The following GNA14 variants were observed in gnomAD, a reference collection of about 807,000 sequenced individuals.
GNA14 encodes the protein guanine nucleotide-binding protein subunit alpha-14.
GNA14 carries 50 observed loss-of-function variants against 42.0 expected under a neutral mutation model. The observed-to-expected ratio is 1.19, with a 90% CI of 0.95 to 1.51. The LOEUF is 1.51. GNA14 is among the 40% of genes most tolerant of loss of function. GNA14 has a pLI of 0.00. For synonymous variants in GNA14, 173 were observed against 163.1 expected, an observed-to-expected ratio of 1.06 and a Z score of -0.46; for missense variants, 473 against 446.2, an observed-to-expected ratio of 1.06 and a Z score of -0.54.
rs148544176 is a variant in GNA14, at chr9:77,529,185, C to A, written c.193G>T (p.Asp65Tyr). The part of the protein sequence containing the change: ...MRIIHGSGYS[D>Y]EDRKGFTKLV... ...TTCGTGAACCCCTTTCTGTCTTCGTCGCTGTAACCAGACCCATGGATAATT... is the reference window on the plus strand; with the variant it reads ...TTCGTGAACCCCTTTCTGTCTTCGTAGCTGTAACCAGACCCATGGATAATT... The change falls in exon 2 of 7, where the codon GAC becomes TAC. Residue 65 changes from aspartate (D) to tyrosine (Y), a missense_variant. Coordinates refer to ENST00000341700, the MANE Select transcript of GNA14 (RefSeq NM_004297.4). 18 of 1,613,800 alleles carry A rather than the reference C, an allele frequency of 1.1e-5. No individual in the cohort carries two copies. The highest frequency in any genetic ancestry group is 1.5e-5 in the Non-Finnish European group (18 of 1,179,812).
chr9:77,570,396 T>C (rs537397613), intron 1 of GNA14, among the ~76,000 whole-genome samples: 1 of 152,304 alleles, frequency 6.6e-6, no homozygotes, highest in African/African-American at 2.4e-5. Context: ...CAGTGACTCC[T>C]TGCCCCCACC....
At chr9:77,630,441 G>C (rs756671234) in intron 1 of GNA14, among the ~76,000 whole-genome samples, 3 of 152,062 alleles carry the variant, frequency 2.0e-5, no homozygotes, top group Non-Finnish European at 4.4e-5. Context: ...TTATTTAATC[G>C]ATCTACCAGA....
At chr9:77,545,263 AGAG>A (rs141521441) in intron 1 of GNA14, among the ~76,000 whole-genome samples, 4,195 of 152,298 alleles carry the variant, frequency 0.028, 179 homozygotes, top group African/African-American at 0.094. Context: ...TAGTTAAATA[AGAG>A]GAGCTACCAG....
chr9:77,498,547 G>A lies in GNA14; in HGVS notation c.309+30522C>T, dbSNP rs138695859. 2.8e-3 allele frequency among the ~76,000 whole-genome samples: 430 copies of A among 152,286 alleles called. 2 individuals carry two copies. The highest frequency in any genetic ancestry group is 9.3e-3 in the African/African-American group (387 of 41,570). On this transcript the variant is annotated intron_variant, in intron 2 of 6. Coordinates refer to ENST00000341700, the MANE Select transcript of GNA14 (RefSeq NM_004297.4). Reference sequence around the variant, plus strand: ...GATGGCTCCTAAGAGCCATCTCCTAGGGTTATAGTAGGGATTGTGTGATTT... The same window carrying A: ...GATGGCTCCTAAGAGCCATCTCCTAAGGTTATAGTAGGGATTGTGTGATTT...
chr9:77,609,717 T>C (rs1823700354), intron 1 of GNA14, among the ~76,000 whole-genome samples: 4 of 152,324 alleles, frequency 2.6e-5, no homozygotes, highest in South Asian at 4.1e-4. Context: ...TCACGCCTTA[T>C]TGCTGTATCC....
intron 2 of GNA14, among the ~76,000 whole-genome samples, chr9:77,455,987 G>C (rs1835992952): frequency 6.6e-6 from 1 of 152,210 alleles, no homozygotes; most frequent in South Asian, 2.1e-4. Context: ...CTTATAAGTA[G>C]CCTCTAATGT....
At chr9:77,623,458 A>G (rs2117981736) in intron 1 of GNA14, among the ~76,000 whole-genome samples, 1 of 152,270 alleles carries the variant, frequency 6.6e-6, no homozygotes, top group East Asian at 1.9e-4. Flanking sequence ...ACACATATTA[A>G]TAATACTCTC....
intron 2 of GNA14, among the ~76,000 whole-genome samples, chr9:77,510,571 A>G (rs1837147649): frequency 6.6e-6 from 1 of 152,190 alleles, no homozygotes; most frequent in Non-Finnish European, 1.5e-5. Flanking sequence ...GAAGCATTAA[A>G]CAGATGAGCC....
At chr9:77,480,996 T>C (rs1408164681) in intron 2 of GNA14, among the ~76,000 whole-genome samples, 1 of 152,016 alleles carries the variant, frequency 6.6e-6, no homozygotes, top group Non-Finnish European at 1.5e-5. Flanking sequence ...TTTCAAAAAA[T>C]CAGCTCCTGG....
intron 1 of GNA14, among the ~76,000 whole-genome samples, chr9:77,537,997 A>G (rs1332292503): frequency 6.6e-6 from 1 of 150,430 alleles, no homozygotes; most frequent in African/African-American, 2.4e-5. Context: ...TAGTTTGCAA[A>G]TATTTTCTCC....
intron 2 of GNA14, among the ~76,000 whole-genome samples, chr9:77,435,040 T>C (rs940462137): frequency 6.8e-6 from 1 of 147,554 alleles, no homozygotes; most frequent in African/African-American, 2.6e-5. Flanking sequence ...TGGGATTTTG[T>C]TCTTTCATTT....
In GNA14 at chr9:77,424,104, C is replaced by G; in HGVS notation, c.943G>C (p.Asp315His). ...TGAGAGTAGATGACTTTCTCTTTGTCAGGATTCTGATCTTGGTAAAGCTTC... is the reference window on the plus strand; with the variant it reads ...TGAGAGTAGATGACTTTCTCTTTGTGAGGATTCTGATCTTGGTAAAGCTTC... ...ILKLYQDQNP[D>H]KEKVIYSHFT... Residue 315 changes from aspartate (D) to histidine (H), a missense_variant, in exon 7 of 7, where the codon GAC becomes CAC. Transcript: ENST00000341700. The G allele has an allele frequency of 6.2e-7, 1 of 1,612,742 alleles. No homozygotes were observed. Among genetic ancestry groups the G allele is most frequent in the Non-Finnish European group, 8.5e-7 (1 of 1,179,092 alleles).
chr9:77,516,968 G>A (rs1014812969), intron 2 of GNA14, among the ~76,000 whole-genome samples: 12 of 152,188 alleles, frequency 7.9e-5, no homozygotes, highest in African/African-American at 2.4e-4. Context: ...ACTGTTGGCT[G>A]GACTCAGACG....
At chr9:77,427,964 C>T (rs997498462) in intron 5 of GNA14, among the ~76,000 whole-genome samples, 10 of 152,120 alleles carry the variant, frequency 6.6e-5, no homozygotes, top group Middle Eastern at 3.4e-3. Flanking sequence ...TAGTGCTGCT[C>T]GGCATTGGTT....
chr9:77,533,053 T>G (rs183648297), intron 1 of GNA14, among the ~76,000 whole-genome samples: 1 of 152,310 alleles, frequency 6.6e-6, no homozygotes, highest in East Asian at 1.9e-4. Context: ...AAAATTACAA[T>G]TCCGTCTCTA....
intron 1 of GNA14, among the ~76,000 whole-genome samples, chr9:77,550,627 T>C (rs1837776406): frequency 1.3e-5 from 2 of 152,322 alleles, no homozygotes; most frequent in South Asian, 4.1e-4. Flanking sequence ...ATGAAATCAA[T>C]TCAACAATAC....
intron 2 of GNA14, among the ~76,000 whole-genome samples, chr9:77,452,649 T>TATGTGTA (rs1271634159): frequency 6.7e-6 from 1 of 149,706 alleles, no homozygotes; most frequent in Non-Finnish European, 1.5e-5. Flanking sequence ...TGTGTTTGTG[T>TATGTGTA]TTGTGTGTGT....
chr9:77,451,963 C>T (rs55800739), intron 2 of GNA14, among the ~76,000 whole-genome samples: 1,831 of 152,254 alleles, frequency 0.012, 43 homozygotes, highest in African/African-American at 0.042. Flanking sequence ...GATGTGGTCT[C>T]GTGAAGTCCC....
intron 1 of GNA14, among the ~76,000 whole-genome samples, chr9:77,602,245 CT>C (rs1823578548): frequency 6.6e-6 from 1 of 152,172 alleles, no homozygotes; most frequent in South Asian, 2.1e-4. Flanking sequence ...AAGTTTCCAT[CT>C]TTTAAAAAGA....
Sources: gnomAD v4.1 joint callset for allele counts (sites outside exome capture counted in the v4.1 genomes callset) on GRCh38, gnomAD v4.1.1 for gene constraint, MANE v1.5 for transcripts, NCBI Gene and HGNC (gene_info 2026-07-23, HGNC 2026-07-21) for gene names.